DMGDH: variants seen among roughly 807,000 people sequenced by gnomAD.
DMGDH encodes the protein dimethylglycine dehydrogenase.
Under a neutral mutation model 95.2 loss-of-function variants are expected in DMGDH, and 76 were observed. The observed-to-expected ratio is 0.80, with a 90% confidence interval of 0.66 to 0.97. The LOEUF is 0.97. Among genes scored for constraint, DMGDH ranks in the 50% least tolerant of loss-of-function variants. DMGDH has a pLI of 0.00. For synonymous variants in DMGDH, 345 were observed against 377.6 expected (o/e 0.91, Z 1.00); for missense variants, 987 against 1,055.0 (o/e 0.94, Z 0.89).
At chr5:79,030,150 G>A in intron 10 of DMGDH, 116 bp from the exon 11 acceptor site, 1 of 874,742 alleles carries the variant, frequency 1.1e-6, no homozygotes, top group Non-Finnish European at 1.8e-6. Context: ...GAATCTTACT[G>A]TTTGTGTCAA....
At chr5:79,036,621 G>C (rs1205870722) in intron 7 of DMGDH, among the ~76,000 whole-genome samples, 2 of 152,178 alleles carry the variant, frequency 1.3e-5, no homozygotes, top group African/African-American at 2.4e-5. Context: ...CTGCGAGTAA[G>C]GTAAATGGGC....
chr5:79,015,640 G>A (rs536910914), intron 14 of DMGDH, among the ~76,000 whole-genome samples: 1 of 152,304 alleles, frequency 6.6e-6, no homozygotes, highest in Admixed American at 6.5e-5. Flanking sequence ...TGTATGGCCA[G>A]CACCTGTACT....
chr5:79,035,801 A>G (rs1267706086), intron 7 of DMGDH, among the ~76,000 whole-genome samples: 1 of 152,210 alleles, frequency 6.6e-6, no homozygotes, highest in Non-Finnish European at 1.5e-5. Flanking sequence ...TTTACAAACA[A>G]GTTATCCAAC....
At chr5:79,004,437 T>G (rs138521535) in intron 15 of DMGDH, among the ~76,000 whole-genome samples, 1 of 152,204 alleles carries the variant, frequency 6.6e-6, no homozygotes, top group Non-Finnish European at 1.5e-5. Flanking sequence ...GCACAGAAGC[T>G]CTGAGTCTTG....
At chr5:79,011,429 C>T (rs1448316347) in intron 14 of DMGDH, among the ~76,000 whole-genome samples, 1 of 152,160 alleles carries the variant, frequency 6.6e-6, no homozygotes, top group Non-Finnish European at 1.5e-5. Flanking sequence ...TTAACAATAA[C>T]CACAATTTCA....
At position 79,044,451 on chromosome 5, in the gene DMGDH, C is replaced by G. The variant is rs1754609671; in HGVS notation, c.847G>C (p.Ala283Pro). Residue 283 changes from alanine to proline, a missense_variant, in exon 6 of 16, where the codon GCT becomes CCT. Coordinates refer to ENST00000255189, the MANE Select transcript of DMGDH (RefSeq NM_013391.3). ...AGCACAGGCAGTTCTCGTTTCAAAGCTTTCACTTCAGATATAGTCGATGTA... is the reference window on the plus strand; with the variant it reads ...AGCACAGGCAGTTCTCGTTTCAAAGGTTTCACTTCAGATATAGTCGATGTA... ...VVTSTISEVK[A>P]LKRELPVLRD... 1 of 1,614,044 alleles carries G rather than the reference C, an allele frequency of 6.2e-7. No individual in the cohort carries two copies. Among genetic ancestry groups the G allele is most frequent in the African/African-American group, 1.3e-5 (1 of 74,928 alleles).
intron 14 of DMGDH, chr5:79,021,789 G>C: frequency 1.7e-6 from 2 of 1,168,388 alleles, no homozygotes; most frequent in Non-Finnish European, 2.3e-6. Flanking sequence ...AGAAATTCTT[G>C]GGCAGTCTTT....
chr5:79,005,508 T>C (rs1753531430), intron 14 of DMGDH, 101 bp from the exon 15 acceptor site: 2 of 1,479,296 alleles, frequency 1.4e-6, no homozygotes, highest in Admixed American at 3.7e-5. Context: ...TTCTCACCAA[T>C]TACACATTAA....
intron 5 of DMGDH, among the ~76,000 whole-genome samples, chr5:79,046,686 T>C (rs1490980742): frequency 6.6e-6 from 1 of 152,188 alleles, no homozygotes; most frequent in Non-Finnish European, 1.5e-5. Flanking sequence ...TTTTGAGACT[T>C]AATTTACTCT....
intron 7 of DMGDH, among the ~76,000 whole-genome samples, chr5:79,034,217 G>A (rs557002770): frequency 7.2e-5 from 11 of 152,216 alleles, no homozygotes; most frequent in African/African-American, 2.2e-4. Context: ...ACAATGACCT[G>A]TGCGCAAGGA....
At chr5:79,023,295 C>G (rs1753910890) in intron 14 of DMGDH, among the ~76,000 whole-genome samples, 1 of 152,150 alleles carries the variant, frequency 6.6e-6, no homozygotes, top group Non-Finnish European at 1.5e-5. Context: ...ATATCCTAAA[C>G]AGTAGCCGCT....
intron 14 of DMGDH, among the ~76,000 whole-genome samples, chr5:79,010,042 C>A (rs927202980): frequency 7.6e-4 from 115 of 152,138 alleles, no homozygotes; most frequent in African/African-American, 2.7e-3. Context: ...TAAAAATAGT[C>A]TTGGCTTCTG....
At chr5:79,030,770 A>C in intron 10 of DMGDH, 63 bp downstream of exon 10, 1 of 1,565,682 alleles carries the variant, frequency 6.4e-7, no homozygotes, top group South Asian at 1.1e-5. Context: ...CTAAAATAAC[A>C]TATGGGATGA....
intron 13 of DMGDH, among the ~76,000 whole-genome samples, chr5:79,025,012 G>T (rs1397166148): frequency 1.3e-5 from 2 of 152,158 alleles, no homozygotes; most frequent in African/African-American, 2.4e-5. Context: ...ATGAAAGTAC[G>T]CTTGTTTTAT....
chr5:79,000,554 T>C, intron 15 of DMGDH: 1 of 591,566 alleles, frequency 1.7e-6, no homozygotes, highest in Non-Finnish European at 3.3e-6. Flanking sequence ...TTTTCACTGA[T>C]ATCAAAATCC....
In DMGDH at chr5:79,031,039, A is replaced by G; in HGVS notation, c.1518-41T>C. The G allele has an allele frequency of 1.9e-6, 3 of 1,610,892 alleles. No individual in the cohort carries two copies. In the Middle Eastern group the frequency reaches 4.9e-4, roughly 266 times the overall value. ...TAGTGTCATAAAACAACTCCCGTTC[A>G]TTTTTCAAAAATTACAGAATACGAT... On this transcript the variant is annotated intron_variant, in intron 9 of 15. Transcript: ENST00000255189.
chr5:79,054,442 A>G (rs970351244), intron 3 of DMGDH, 94 bp from the exon 4 acceptor site: 7 of 1,257,846 alleles, frequency 5.6e-6, no homozygotes, highest in Non-Finnish European at 6.9e-6. Flanking sequence ...GCAGCTGTAC[A>G]AAAAGATTTA....
rs1164161642 is a variant in DMGDH at position 79,033,220 on chromosome 5, C to T, written c.1363+19G>A. 3.1e-6 allele frequency: 5 copies of T among 1,613,922 alleles called. No individual in the cohort carries two copies. In the South Asian group the frequency reaches 5.5e-5, roughly 18 times the overall value. On this transcript the variant is annotated intron_variant, in intron 8 of 15. Coordinates refer to ENST00000255189, the MANE Select transcript of DMGDH (RefSeq NM_013391.3). ...AATTCCGTCAACACTTTGTAGACAA[C>T]AGTACATTTGTACCTTACCAATATT...
rs763812617 is a variant in DMGDH, at chr5:79,042,459, C to G, written c.1017G>C (p.Glu339Asp). 6.2e-7 allele frequency: 1 copy of G among 1,614,156 alleles called. No homozygotes were observed. Among genetic ancestry groups the G allele is most frequent in the Non-Finnish European group, 8.5e-7 (1 of 1,180,016 alleles). The change falls in exon 7 of 16, where the codon GAG becomes GAC. Residue 339 changes from glutamate (E) to aspartate (D), a missense_variant. Physicochemically the swap from Glu to Asp is conservative, Grantham distance 45 (BLOSUM62 2). Coordinates refer to ENST00000255189, the MANE Select transcript of DMGDH (RefSeq NM_013391.3). ...GTTCCATGATTCGATCTAGATCAGA[C>G]TCAAAGAGTTCCTTTCCAAAACCTA... is the stretch of plus-strand genomic sequence containing the variant. ...VPPGFGKELF[E>D]SDLDRIMEHI...
Sources: gnomAD v4.1 joint callset for allele counts (sites outside exome capture counted in the v4.1 genomes callset) on GRCh38, gnomAD v4.1.1 for gene constraint, MANE v1.5 for transcripts, NCBI Gene and HGNC (gene_info 2026-07-23, HGNC 2026-07-21) for gene names.